RBFOX3: variants seen among roughly 807,000 people sequenced by gnomAD.
RBFOX3 encodes the protein RNA binding protein fox-1 homolog 3.
Under a neutral mutation model 48.7 loss-of-function variants are expected in RBFOX3, and 17 were observed. The ratio of observed to expected loss-of-function variants is 0.35; its 90% CI spans 0.24 to 0.52. The LOEUF (loss-of-function observed/expected upper bound fraction) is 0.52. RBFOX3 is among the 20% of genes least tolerant of loss of function. RBFOX3 has a pLI of 0.94. For synonymous variants in RBFOX3, 212 were observed against 209.5 expected, an observed-to-expected ratio of 1.01 and a Z score of -0.10; for missense variants, 382 against 497.5, an observed-to-expected ratio of 0.77 and a Z score of 2.21.
chr17:79,434,793 G>T (rs2069091658), intron 2 of RBFOX3, among the ~76,000 whole-genome samples: 1 of 152,166 alleles, frequency 6.6e-6, no homozygotes, highest in Non-Finnish European at 1.5e-5. Context: ...TTTTACTCAG[G>T]TTCATTAATG....
chr17:79,387,527 T>C (rs1270961364), intron 2 of RBFOX3, among the ~76,000 whole-genome samples: 2 of 152,234 alleles, frequency 1.3e-5, no homozygotes. Context: ...CACTGGAAGA[T>C]GGCTGGTACC....
the RBFOX3 span, among the ~76,000 whole-genome samples, chr17:79,627,054 G>A: frequency 1.3e-5 from 2 of 152,186 alleles, no homozygotes; most frequent in Non-Finnish European, 2.9e-5. Flanking sequence ...ATAAGGAAAG[G>A]AAAAACCTGG....
At chr17:79,632,336 G>C in the RBFOX3 span, among the ~76,000 whole-genome samples, 1 of 152,174 alleles carries the variant, frequency 6.6e-6, no homozygotes, top group Non-Finnish European at 1.5e-5. Context: ...AACCAGAGGA[G>C]ATGGGAGAGG....
Position 79,242,951 on chromosome 17 carries a change from C to T in RBFOX3, c.-73-7146G>A, listed in dbSNP as rs560618202. 3.9e-5 allele frequency among the ~76,000 whole-genome samples: 6 copies of T among 152,320 alleles called. No homozygotes were observed. The highest frequency in any genetic ancestry group is 2.1e-4 in the South Asian group (1 of 4,828). On this transcript the variant is annotated intron_variant, in intron 3 of 14. Transcript: ENST00000693108. This position sits in a 1 kb window ranked among gnomAD's most constrained non-coding sequence, Gnocchi z 5.8. The stretch of plus-strand genomic sequence containing the variant: ...TGGGGCCTTACTCCTCCTCTGCCTG[C>T]GTGGACACTGCTGTGGGCCCCGTGA...
chr17:79,316,437 C>T (rs2077554145), intron 2 of RBFOX3, among the ~76,000 whole-genome samples: 1 of 152,204 alleles, frequency 6.6e-6, no homozygotes, highest in South Asian at 2.1e-4. Context: ...CCTCCTTGGG[C>T]AGGGGCGATG....
chr17:79,288,490 C>G (rs563639180), intron 3 of RBFOX3, among the ~76,000 whole-genome samples: 1 of 152,202 alleles, frequency 6.6e-6, no homozygotes, highest in African/African-American at 2.4e-5. Context: ...CCCCCCAGCC[C>G]GGCTTCCAGC....
intron 2 of RBFOX3, among the ~76,000 whole-genome samples, chr17:79,478,402 C>G (rs1273088121): frequency 6.6e-6 from 1 of 152,052 alleles, no homozygotes; most frequent in South Asian, 2.1e-4. Context: ...AGCTCCCGCT[C>G]CCATCTCATC....
At chr17:79,287,942 C>T (rs569410048) in intron 3 of RBFOX3, among the ~76,000 whole-genome samples, 13 of 152,286 alleles carry the variant, frequency 8.5e-5, no homozygotes, top group South Asian at 4.1e-4. Flanking sequence ...GCATGGGACG[C>T]GCTCTGCCAG....
chr17:79,178,946 G>A (rs1208495568), intron 4 of RBFOX3, among the ~76,000 whole-genome samples: 1 of 152,214 alleles, frequency 6.6e-6, no homozygotes, highest in Non-Finnish European at 1.5e-5. Flanking sequence ...TGCACGAGCT[G>A]CTGTTCAGTG....
rs922624233 is a variant in RBFOX3, at chr17:79,588,510, G to A, written c.-320+22316C>T. Among the ~76,000 whole-genome samples the A allele has an allele frequency of 2.1e-3, 314 of 152,232 alleles. 2 individuals are homozygous for A. Among genetic ancestry groups the A allele is most frequent in the African/African-American group, 7.2e-3 (298 of 41,524 alleles). ...AAGGTACTGACCACCCTCACCCCAGGTTAGGAAGAACCTGCAAGCCAATTT... is the reference window on the plus strand; with the variant it reads ...AAGGTACTGACCACCCTCACCCCAGATTAGGAAGAACCTGCAAGCCAATTT... On this transcript the variant is annotated intron_variant, in intron 1 of 14. Coordinates refer to ENST00000693108, the MANE Select transcript of RBFOX3 (RefSeq NM_001350451.2).
Position 79,214,952 on chromosome 17 carries a change from G to A in RBFOX3, c.-34+20814C>T, listed in dbSNP as rs2058831015. Among the ~76,000 whole-genome samples the A allele has an allele frequency of 6.6e-6, 1 of 152,306 alleles. No homozygotes were observed. Among genetic ancestry groups the A allele is most frequent in the Non-Finnish European group, 1.5e-5 (1 of 68,008 alleles). ...ACGTTCTGCCTTGGCATCTTCGCCT[G>A]GTGCCGGTCAATTATGAAGCCACCC... On this transcript the variant is annotated intron_variant, in intron 4 of 14. Transcript: ENST00000693108. The surrounding 1 kb of genome is among the most constrained non-coding windows in gnomAD (Gnocchi z 4.7).
At chr17:79,404,357 C>A (rs910157583) in intron 2 of RBFOX3, among the ~76,000 whole-genome samples, 12 of 152,156 alleles carry the variant, frequency 7.9e-5, no homozygotes, top group African/African-American at 2.9e-4. Flanking sequence ...GTCTACACTC[C>A]GGGCATGAGG....
chr17:79,330,234 G>GGTAGAGTA (rs1568053571), intron 2 of RBFOX3, among the ~76,000 whole-genome samples: 1 of 152,150 alleles, frequency 6.6e-6, no homozygotes. Flanking sequence ...CCTGACCCCC[G>GGTAGAGTA]GTAGAGTAGA....
chr17:79,503,763 T>C (rs2082688120), intron 1 of RBFOX3, among the ~76,000 whole-genome samples: 1 of 152,106 alleles, frequency 6.6e-6, no homozygotes, highest in African/African-American at 2.4e-5. Flanking sequence ...CAGGAGCTGA[T>C]TGTCTTCTGC....
chr17:79,291,028 C>G (rs935946536), intron 3 of RBFOX3, among the ~76,000 whole-genome samples: 4 of 152,190 alleles, frequency 2.6e-5, no homozygotes, highest in Non-Finnish European at 5.9e-5. Flanking sequence ...CCACCCCTCT[C>G]CTGGGACTTT....
At position 79,423,438 on chromosome 17, in the gene RBFOX3, C is replaced by G. The variant is rs911262327; in HGVS notation, c.-175+59016G>C. On this transcript the variant is annotated intron_variant, in intron 2 of 14. Coordinates refer to ENST00000693108, the MANE Select transcript of RBFOX3 (RefSeq NM_001350451.2). The surrounding 1 kb of genome is among the most constrained non-coding windows in gnomAD (Gnocchi z 4.9). ...CCGGACGTTTGCTATCTCTCTACCT[C>G]CGTGCCCAGCCCCCGGCTATTCTCA... Among the ~76,000 whole-genome samples the G allele has an allele frequency of 6.6e-5, 10 of 152,150 alleles. No individual in the cohort carries two copies. The highest frequency in any genetic ancestry group is 6.5e-4 in the Admixed American group (10 of 15,272).
At chr17:79,304,077 A>G (rs2075750270) in intron 3 of RBFOX3, among the ~76,000 whole-genome samples, 1 of 152,154 alleles carries the variant, frequency 6.6e-6, no homozygotes, top group African/African-American at 2.4e-5. Flanking sequence ...TCTCCTTTAT[A>G]ATGTGAATAA....
At chr17:79,401,779 G>GATAT (rs2062842598) in intron 2 of RBFOX3, among the ~76,000 whole-genome samples, 1 of 152,208 alleles carries the variant, frequency 6.6e-6, no homozygotes, top group East Asian at 1.9e-4. Context: ...TACCCACTCA[G>GATAT]ATATCATTGT....
At chr17:79,419,186 T>A (rs1212082305) in intron 2 of RBFOX3, among the ~76,000 whole-genome samples, 1 of 152,180 alleles carries the variant, frequency 6.6e-6, no homozygotes, top group African/African-American at 2.4e-5. Flanking sequence ...TGTGTATGGA[T>A]GTTTCAGGCA....
Sources: gnomAD v4.1 joint callset for allele counts (sites outside exome capture counted in the v4.1 genomes callset) on GRCh38, gnomAD v4.1.1 for gene constraint, Gnocchi (gnomAD v3.1) non-coding constraint, MANE v1.5 for transcripts, NCBI Gene and HGNC (gene_info 2026-07-23, HGNC 2026-07-21) for gene names.